SIMC1: variants seen among roughly 807,000 people sequenced by gnomAD.
SIMC1 encodes the protein SUMO-interacting motif-containing protein 1.
A neutral mutation model predicts 82.3 loss-of-function variants in SIMC1; 55 were observed. The ratio of observed to expected loss-of-function variants is 0.67; its 90% CI spans 0.54 to 0.84. SIMC1 has a LOEUF of 0.84. SIMC1 is among the 40% of genes least tolerant of loss of function. The pLI, the probability that SIMC1 is intolerant of heterozygous loss-of-function variation, is 0.00. For missense variants in SIMC1, 915 were observed against 1,107.2 expected (o/e 0.83, Z 2.46); for synonymous variants, 353 against 426.3 (o/e 0.83, Z 2.12).
chr5:176,300,007 A>G (rs1763975984), intron 4 of SIMC1, among the ~76,000 whole-genome samples: 1 of 152,224 alleles, frequency 6.6e-6, no homozygotes, highest in Admixed American at 6.5e-5. Context: ...TGGCAACTAA[A>G]CAACACACAA....
At chr5:176,271,805 A>G (rs1762436987) in intron 1 of SIMC1, among the ~76,000 whole-genome samples, 2 of 149,778 alleles carry the variant, frequency 1.3e-5, no homozygotes, top group Admixed American at 6.7e-5. Context: ...TACACATTAT[A>G]CAATGTCTCA....
chr5:176,295,893 T>C (rs1763792155), intron 3 of SIMC1, among the ~76,000 whole-genome samples: 1 of 152,144 alleles, frequency 6.6e-6, no homozygotes, highest in South Asian at 2.1e-4. Flanking sequence ...GACATGACCA[T>C]ATCTTTGAGC....
intron 3 of SIMC1, 160 bp from the exon 4 acceptor site, chr5:176,296,091 C>T (rs1217793750): frequency 7.8e-7 from 1 of 1,290,084 alleles, no homozygotes; most frequent in Non-Finnish European, 1.1e-6. Context: ...CAATGAAGTT[C>T]CACTACTCTC....
chr5:176,257,581 C>G (rs1761887098), intron 1 of SIMC1, among the ~76,000 whole-genome samples: 1 of 152,128 alleles, frequency 6.6e-6, no homozygotes, highest in African/African-American at 2.4e-5. Flanking sequence ...AAGACAGCAC[C>G]AAGCCATGAG....
chr5:176,305,205 C>T (rs1256851139), intron 4 of SIMC1, among the ~76,000 whole-genome samples: 4 of 88,928 alleles, frequency 4.5e-5, no homozygotes, highest in East Asian at 3.7e-4. Context: ...GTCAGCCCCC[C>T]GCCCGGCCAG....
intron 1 of SIMC1, among the ~76,000 whole-genome samples, chr5:176,285,005 C>T (rs1367160556): frequency 6.6e-6 from 1 of 152,060 alleles, no homozygotes; most frequent in Non-Finnish European, 1.5e-5. Flanking sequence ...GATTCACAGC[C>T]AAATTCTAAA....
intron 4 of SIMC1, chr5:176,308,928 A>G (rs2113332510): frequency 8.0e-7 from 1 of 1,247,622 alleles, no homozygotes; most frequent in Non-Finnish European, 1.2e-6. Flanking sequence ...TGGTTGGAGG[A>G]CAGACTGGAG....
chr5:176,309,154 T>G, intron 4 of SIMC1: 1 of 606,998 alleles, frequency 1.6e-6, no homozygotes, highest in Non-Finnish European at 2.9e-6. Context: ...TCAAGATAGA[T>G]GGTATTGGCA....
In SIMC1 at chr5:176,276,584, C is replaced by A. The variant is rs1362682988; in HGVS notation, c.130-13070C>A. Among the ~76,000 whole-genome samples the A allele has an allele frequency of 7.1e-5, 10 of 141,424 alleles. No individual in the cohort carries two copies. In the East Asian group the frequency reaches 1.3e-3, roughly 18 times the overall value. 92.8% of individuals were successfully genotyped at this position (141,424 alleles called of 152,430 possible). ...CTAGCATTAGGTATATCTCCCAATG[C>A]TATCCCTCCCCCCTCCCCCCACCCC... On this transcript the variant is annotated intron_variant, in intron 1 of 9. Coordinates refer to ENST00000429602, the MANE Select transcript of SIMC1 (RefSeq NM_001308195.2).
At position 176,259,272 on chromosome 5, in the gene SIMC1, C is replaced by T. The variant is rs191984397; in HGVS notation, c.129+20635C>T. The stretch of plus-strand genomic sequence containing the variant: ...ACTTGAGTTGGGAGTTTGAGACCAG[C>T]CTCGACAATATGGTAAAGCCCCATC... On this transcript the variant is annotated intron_variant, in intron 1 of 9. Transcript: ENST00000429602. Among the ~76,000 whole-genome samples, 444 of 151,654 alleles carry T rather than the reference C, an allele frequency of 2.9e-3. 4 individuals are homozygous for T. Among genetic ancestry groups the T allele is most frequent in the African/African-American group, 0.01 (420 of 41,300 alleles).
At chr5:176,329,833 T>C (rs1188716915) in intron 7 of SIMC1, among the ~76,000 whole-genome samples, 1 of 152,006 alleles carries the variant, frequency 6.6e-6, no homozygotes, top group Non-Finnish European at 1.5e-5. Context: ...TTTACACATA[T>C]GAAAAGGGGA....
At chr5:176,279,378 G>T (rs1001298680) in intron 1 of SIMC1, among the ~76,000 whole-genome samples, 6 of 151,590 alleles carry the variant, frequency 4.0e-5, no homozygotes, top group African/African-American at 1.2e-4. Flanking sequence ...TTCTTTATTA[G>T]TCTTGCTAGC....
intron 1 of SIMC1, among the ~76,000 whole-genome samples, chr5:176,272,035 G>T (rs1183558177): frequency 1.4e-5 from 2 of 144,938 alleles, no homozygotes; most frequent in Non-Finnish European, 1.5e-5. Flanking sequence ...CTACTATGCA[G>T]TTATAAAAAT....
chr5:176,344,773 C>T (rs1226702608), intron 9 of SIMC1, among the ~76,000 whole-genome samples: 2 of 152,126 alleles, frequency 1.3e-5, no homozygotes, highest in Non-Finnish European at 2.9e-5. Context: ...AGAAATCACC[C>T]CCACCAGGCC....
At chr5:176,274,739 C>G (rs1322847530) in intron 1 of SIMC1, among the ~76,000 whole-genome samples, 3 of 151,756 alleles carry the variant, frequency 2.0e-5, no homozygotes, top group Non-Finnish European at 4.4e-5. Context: ...GCCAGTTTTC[C>G]CAGCACCATT....
chr5:176,273,725 A>G (rs561701740), intron 1 of SIMC1, among the ~76,000 whole-genome samples: 31 of 152,106 alleles, frequency 2.0e-4, no homozygotes, highest in African/African-American at 5.8e-4. Context: ...TCATTGTTCA[A>G]TTCCCACCTA....
rs570892355 is a variant in SIMC1 at position 176,294,542 on chromosome 5, G to A, written c.1432-488G>A. Among the ~76,000 whole-genome samples, 3 of 150,478 alleles carry A rather than the reference G, an allele frequency of 2.0e-5. No homozygotes were observed. The South Asian group carries it at 6.3e-4, about 32-fold the overall frequency. ...AGTTCTCCTGCCTTGGCCTCCCAAA[G>A]TGCTGGGATTACAGGCATGAGCCAC... On this transcript the variant is annotated intron_variant, in intron 2 of 9. Transcript: ENST00000429602.
rs374328101 is a variant in SIMC1 at position 176,336,809 on chromosome 5, G to A, written c.2261G>A (p.Arg754His). 6.1e-5 allele frequency: 98 copies of A among 1,613,756 alleles called. No homozygotes were observed. Among genetic ancestry groups the A allele is most frequent in the Non-Finnish European group, 7.7e-5 (91 of 1,179,880 alleles). ...IFLHSCETPT[R>H]LPLSLAQALY... ...CTCCACAGCTGTGAGACACCCACCC[G>A]CCTGCCTCTGTCTCTGGCCCAGGCC... Residue 754 changes from arginine to histidine, a missense_variant, in exon 8 of 10, where the codon CGC becomes CAC. Arg to His is a conservative substitution (Grantham distance 29). Coordinates refer to ENST00000429602, the MANE Select transcript of SIMC1 (RefSeq NM_001308195.2).
chr5:176,305,140 G>T (rs866330096), intron 4 of SIMC1, among the ~76,000 whole-genome samples: 2 of 99,004 alleles, frequency 2.0e-5, no homozygotes, highest in East Asian at 3.1e-4. Flanking sequence ...TCCAGGAGGG[G>T]GGGGGGGTCA....
Sources: gnomAD v4.1 joint callset for allele counts (sites outside exome capture counted in the v4.1 genomes callset) on GRCh38, gnomAD v4.1.1 for gene constraint, MANE v1.5 for transcripts, NCBI Gene and HGNC (gene_info 2026-07-23, HGNC 2026-07-21) for gene names.